Variants in EPC2 observed in about 807,000 individuals in gnomAD.
EPC2 encodes enhancer of polycomb homolog 2.
EPC2 carries 14 observed loss-of-function variants against 92.1 expected under a neutral mutation model. The ratio of observed to expected loss-of-function variants is 0.15; its 90% CI spans 0.10 to 0.24. EPC2 has a LOEUF of 0.24. Ranked by LOEUF, EPC2 falls within the 10% of genes least tolerant of loss-of-function variation. The pLI is 1.00. For missense variants in EPC2, 755 were observed against 971.5 expected, an observed-to-expected ratio of 0.78 and a Z score of 2.96; for synonymous variants, 340 against 334.7, an observed-to-expected ratio of 1.02 and a Z score of -0.17.
chr2:148,691,872 T>C (rs2105372229), intron 2 of EPC2: 1 of 593,990 alleles, frequency 1.7e-6, no homozygotes, highest in Non-Finnish European at 3.3e-6. Flanking sequence ...CCTTTGGTAA[T>C]GTATCTTTAT....
At chr2:148,712,257 G>A (rs1382473925) in intron 2 of EPC2, among the ~76,000 whole-genome samples, 1 of 152,030 alleles carries the variant, frequency 6.6e-6, no homozygotes, top group Non-Finnish European at 1.5e-5. Flanking sequence ...GTGTGTGTGT[G>A]TGTGTGTTTG....
intron 1 of EPC2, among the ~76,000 whole-genome samples, chr2:148,673,747 C>G (rs562637291): frequency 6.6e-6 from 1 of 152,104 alleles, no homozygotes; most frequent in East Asian, 1.9e-4. Context: ...CCATGCCTGG[C>G]TAATATTTTT....
chr2:148,651,622 TG>T (rs1030973659), intron 1 of EPC2, among the ~76,000 whole-genome samples: 1 of 152,074 alleles, frequency 6.6e-6, no homozygotes, highest in Non-Finnish European at 1.5e-5. Flanking sequence ...TTTCTAGTTC[TG>T]GTTGTCATGG....
chr2:148,655,657 AC>A (rs1192733483), intron 1 of EPC2, among the ~76,000 whole-genome samples: 2 of 152,022 alleles, frequency 1.3e-5, no homozygotes, highest in Non-Finnish European at 2.9e-5. Flanking sequence ...AAGTTCATGG[AC>A]CCCTTAGTTC....
At chr2:148,650,148 A>G (rs890839775) in intron 1 of EPC2, among the ~76,000 whole-genome samples, 10 of 152,178 alleles carry the variant, frequency 6.6e-5, no homozygotes, top group Admixed American at 2.6e-4. Flanking sequence ...GCTCATTAAT[A>G]TATTCCAAGT....
intron 10 of EPC2, among the ~76,000 whole-genome samples, chr2:148,773,194 A>G (rs1444138765): frequency 6.6e-6 from 1 of 152,126 alleles, no homozygotes; most frequent in African/African-American, 2.4e-5. Context: ...TATGACTTAA[A>G]TAGTTCCATT....
At chr2:148,691,968 A>G (rs1427866181) in intron 2 of EPC2, 1 of 369,658 alleles carries the variant, frequency 2.7e-6, no homozygotes, top group Admixed American at 3.8e-5. Flanking sequence ...GTGTCTTTTA[A>G]TTGATGGCAG....
intron 13 of EPC2, 136 bp from the exon 14 acceptor site, chr2:148,786,169 G>T: frequency 1.5e-6 from 1 of 661,744 alleles, no homozygotes; most frequent in Non-Finnish European, 2.4e-6. Context: ...ATCTAGAAAT[G>T]GCAAAAATGG....
Position 148,739,311 on chromosome 2 carries a change from AATTGC to A in EPC2, c.314-4308_314-4304del, listed in dbSNP as rs10609038. Among the ~76,000 whole-genome samples, 938 of 152,262 alleles carry A rather than the reference AATTGC, an allele frequency of 6.2e-3. 9 individuals carry two copies. Among genetic ancestry groups the A allele is most frequent in the African/African-American group, 0.021 (861 of 41,550 alleles). On this transcript the variant is annotated intron_variant, in intron 2 of 13. Transcript: ENST00000258484. ...TGGCCCATCATTATGTGCCACATTG[AATTGC>A]ATGCTACTCATTTTATACCATGCTT...
At chr2:148,719,943 C>T (rs1211276972) in intron 2 of EPC2, among the ~76,000 whole-genome samples, 1 of 152,218 alleles carries the variant, frequency 6.6e-6, no homozygotes, top group Non-Finnish European at 1.5e-5. Context: ...TGACTAGAGG[C>T]TCTGGCTGGG....
rs183947500 is a variant in EPC2 at position 148,665,631 on chromosome 2, A to G, written c.153+20461A>G. 9.2e-4 allele frequency among the ~76,000 whole-genome samples: 140 copies of G among 152,348 alleles called. 2 individuals are homozygous for G. Among genetic ancestry groups the G allele is most frequent in the Middle Eastern group, 3.4e-3 (1 of 294 alleles). On this transcript the variant is annotated intron_variant, in intron 1 of 13. Coordinates refer to ENST00000258484, the MANE Select transcript of EPC2 (RefSeq NM_015630.4). Reference sequence around the variant, plus strand: ...AGTTGATTTATAATTCAAATATTCTAGAATTATGATGTTTAGGATAACAGT... The same window carrying G: ...AGTTGATTTATAATTCAAATATTCTGGAATTATGATGTTTAGGATAACAGT...
At position 148,784,914 on chromosome 2, in the gene EPC2, C is replaced by T. The variant is rs989291357; in HGVS notation, c.2264C>T (p.Pro755Leu). 2.5e-6 allele frequency: 4 copies of T among 1,588,964 alleles called. No individual in the cohort carries two copies. The highest frequency in any genetic ancestry group is 3.4e-6 in the Non-Finnish European group (4 of 1,166,956). Reference protein sequence around the residue: ...HINTRTSAPSPTALKLATVAA... With the variant: ...HINTRTSAPSLTALKLATVAA... The stretch of plus-strand genomic sequence containing the variant: ...AATACACGGACTTCAGCACCATCGC[C>T]AACAGCCTTAAAACTTGCCACAGTT... The change falls in exon 13 of 14, where the codon CCA (proline) becomes CTA (leucine). Residue 755 changes from proline (P) to leucine (L), a missense_variant. Physicochemically the swap from Pro to Leu is moderately conservative, Grantham distance 98. Around this residue, in one of 4 missense-constraint regions of EPC2, gnomAD observed 207 missense variants for 260.5 expected, o/e 0.79. Transcript: ENST00000258484.
At chr2:148,703,390 G>A (rs1028379076) in intron 2 of EPC2, among the ~76,000 whole-genome samples, 1 of 152,058 alleles carries the variant, frequency 6.6e-6, no homozygotes, top group African/African-American at 2.4e-5. Flanking sequence ...GGATGGTGAA[G>A]TCAGTTTTTA....
chr2:148,775,873 G>A (rs1442430930), intron 10 of EPC2, among the ~76,000 whole-genome samples: 2 of 149,214 alleles, frequency 1.3e-5, no homozygotes, highest in East Asian at 2.0e-4. Context: ...TGCCTCCCGG[G>A]TTCACGCCAT....
chr2:148,709,790 C>T (rs1362020475), intron 2 of EPC2, among the ~76,000 whole-genome samples: 2 of 152,176 alleles, frequency 1.3e-5, no homozygotes, highest in Non-Finnish European at 2.9e-5. Flanking sequence ...AACTGGCCAG[C>T]CATGTATGGA....
intron 1 of EPC2, among the ~76,000 whole-genome samples, chr2:148,669,963 C>G (rs1681123798): frequency 6.6e-6 from 1 of 152,148 alleles, no homozygotes; most frequent in South Asian, 2.1e-4. Flanking sequence ...CACAGCTGTG[C>G]TGATCAGTAG....
chr2:148,713,349 A>G (rs752076922), intron 2 of EPC2, among the ~76,000 whole-genome samples: 8 of 152,200 alleles, frequency 5.3e-5, no homozygotes, highest in Non-Finnish European at 8.8e-5. Flanking sequence ...TTTTGACACA[A>G]AAAAATTTAT....
At position 148,762,722 on chromosome 2, in the gene EPC2, A is replaced by C; in HGVS notation, c.868A>C (p.Arg290=). 6.2e-7 allele frequency: 1 copy of C among 1,610,460 alleles called. No individual in the cohort carries two copies. The highest frequency in any genetic ancestry group is 8.5e-7 in the Non-Finnish European group (1 of 1,178,078). Residue 290 remains arginine (R), a synonymous_variant, in exon 6 of 14, where the codon AGA becomes CGA. Transcript: ENST00000258484. ...AATCCTTAATGAAGTAAAAATCAGT[A>C]GATCAGAAAAAGAGTTATATGCCAC... is the stretch of plus-strand genomic sequence containing the variant. ...GEILNEVKIS[R]SEKELYATPA...
intron 2 of EPC2, among the ~76,000 whole-genome samples, chr2:148,707,215 A>G (rs1295131912): frequency 1.3e-5 from 2 of 152,262 alleles, no homozygotes; most frequent in Non-Finnish European, 2.9e-5. Context: ...CCGATAAAAC[A>G]GACTTCATAC....
Sources: gnomAD v4.1 joint callset for allele counts (sites outside exome capture counted in the v4.1 genomes callset) on GRCh38, gnomAD v4.1.1 for gene constraint, gnomAD v4.1.1 regional missense constraint, MANE v1.5 for transcripts, NCBI Gene and HGNC (gene_info 2026-07-23, HGNC 2026-07-21) for gene names.